Variants in TLE2 observed in about 807,000 individuals in gnomAD.
TLE2 encodes the protein transducin-like enhancer protein 2.
A neutral mutation model predicts 97.2 loss-of-function variants in TLE2; 74 were observed. The ratio of observed to expected loss-of-function variants is 0.76; its 90% confidence interval spans 0.63 to 0.92. The LOEUF (loss-of-function observed/expected upper bound fraction) is 0.92. Ranked by LOEUF, TLE2 falls within the 40% of genes least tolerant of loss-of-function variation. TLE2 has a pLI of 0.00. For synonymous variants in TLE2, 499 were observed against 432.1 expected, an observed-to-expected ratio of 1.15 and a Z score of -1.92; for missense variants, 1,038 against 1,008.7, an observed-to-expected ratio of 1.03 and a Z score of -0.39.
chr19:3,006,300 T>C (rs534891940), intron 15 of TLE2, 120 bp downstream of exon 15: 95 of 1,447,084 alleles, frequency 6.6e-5, no homozygotes, highest in African/African-American at 6.0e-4. Flanking sequence ...GCCCCTCACC[T>C]ATAAGCCCCG....
intron 5 of TLE2, among the ~76,000 whole-genome samples, chr19:3,021,500 G>A (rs954810665): frequency 6.6e-6 from 1 of 152,200 alleles, no homozygotes; most frequent in Non-Finnish European, 1.5e-5. Flanking sequence ...CATGTGGCTG[G>A]TGCAACTGAT....
At position 3,029,275 on chromosome 19, in the gene TLE2, C is replaced by T. The variant is rs1364235830; in HGVS notation, c.-371G>A. 4.6e-6 allele frequency: 1 copy of T among 217,830 alleles called. No homozygotes were observed. The highest frequency in any genetic ancestry group is 2.0e-4 in the East Asian group (1 of 5,108). The allele number at this position is 217,830 out of a possible 1,614,324, so 13.5% of individuals were successfully genotyped here. On this transcript the variant is annotated 5_prime_UTR_variant, in exon 1 of 20. Coordinates refer to ENST00000262953, the MANE Select transcript of TLE2 (RefSeq NM_003260.5). ...GCGGAGCCGCCTCCCTCCGGCGGGG[C>T]TCGGCCGGGAGCCGCGGGCTGAGCC...
intron 1 of TLE2, among the ~76,000 whole-genome samples, chr19:3,042,248 A>G (rs1463942655): frequency 1.0e-5 from 1 of 96,848 alleles, no homozygotes; most frequent in South Asian, 4.8e-4. Flanking sequence ...GGAGAGGAGG[A>G]GGCCCCCGGG....
chr19:3,015,548 G>A (rs577516804), intron 9 of TLE2, 105 bp downstream of exon 9: 94 of 867,358 alleles, frequency 1.1e-4, no homozygotes, highest in African/African-American at 8.2e-4. Flanking sequence ...GGGAGGCTCC[G>A]GAGTGAGAGA....
At chr19:2,999,512 G>C (rs1403902928) in intron 19 of TLE2, among the ~76,000 whole-genome samples, 1 of 151,964 alleles carries the variant, frequency 6.6e-6, no homozygotes, top group Non-Finnish European at 1.5e-5. Context: ...TGGATCATGA[G>C]GTCAGGAGAT....
chr19:3,010,700 C>T (rs531833240), intron 12 of TLE2, among the ~76,000 whole-genome samples: 4 of 152,148 alleles, frequency 2.6e-5, no homozygotes, highest in Non-Finnish European at 5.9e-5. Context: ...GTCACTTGCC[C>T]GAGGTCACCC....
chr19:3,000,297 G>A (rs961153616), intron 19 of TLE2, among the ~76,000 whole-genome samples: 3 of 151,634 alleles, frequency 2.0e-5, no homozygotes, highest in East Asian at 2.0e-4. Flanking sequence ...GGGTGGTCTC[G>A]ATCTCCTGAC....
At chr19:3,022,197 T>C (rs1272114002) in intron 5 of TLE2, among the ~76,000 whole-genome samples, 1 of 151,484 alleles carries the variant, frequency 6.6e-6, no homozygotes, top group Non-Finnish European at 1.5e-5. Context: ...TACAGGCACC[T>C]GCCACCACAC....
At chr19:3,046,302 A>G (rs2090140423), upstream of TLE2, among the ~76,000 whole-genome samples, 1 of 152,348 alleles carries the variant, frequency 6.6e-6, no homozygotes, top group South Asian at 2.1e-4. Context: ...GGGCACACAG[A>G]GGGACGGAGA....
intron 18 of TLE2, 109 bp downstream of exon 18, chr19:3,002,244 T>C: frequency 7.5e-7 from 1 of 1,331,232 alleles, no homozygotes; most frequent in Non-Finnish European, 1.0e-6. Context: ...TATATAAAAC[T>C]TAGTATATAA....
Position 3,005,750 on chromosome 19 carries a change from G to A in TLE2, c.1719C>T (p.Val573=), listed in dbSNP as rs367942728. The change falls in exon 16 of 20, where the codon GTC becomes GTT. Residue 573 remains valine (V), a synonymous_variant. Coordinates refer to ENST00000262953, the MANE Select transcript of TLE2 (RefSeq NM_003260.5). ...CCATAGTCTGATTCTGCAGGTCCCAGACCACAATGTTGCCATCGCTGCAGC... is the reference window on the plus strand; with the variant it reads ...CCATAGTCTGATTCTGCAGGTCCCAAACCACAATGTTGCCATCGCTGCAGC... ...FSCCSDGNIV[V]WDLQNQTMVR... 224 of 1,613,820 alleles carry A rather than the reference G, an allele frequency of 1.4e-4. No homozygotes were observed. The highest frequency in any genetic ancestry group is 8.0e-5 in the African/African-American group (6 of 74,922).
At position 3,019,613 on chromosome 19, in the gene TLE2, C is replaced by A; in HGVS notation, c.369+86G>T. The A allele has an allele frequency of 6.5e-7, 1 of 1,541,546 alleles. No individual in the cohort carries two copies. Among genetic ancestry groups the A allele is most frequent in the Non-Finnish European group, 8.8e-7 (1 of 1,140,660 alleles). Reference sequence around the variant, plus strand: ...CACTGGAGCCAAGGCCCACACACCACCCCAGCTTTAACACCTCCTGGGTGG... The same window carrying A: ...CACTGGAGCCAAGGCCCACACACCAACCCAGCTTTAACACCTCCTGGGTGG... On this transcript the variant is annotated intron_variant, in intron 6 of 19. Coordinates refer to ENST00000262953, the MANE Select transcript of TLE2 (RefSeq NM_003260.5). The surrounding 1 kb of genome is among the most constrained non-coding windows in gnomAD (Gnocchi z 5.1).
chr19:3,043,746 C>T (rs1599259303), intron 1 of TLE2, among the ~76,000 whole-genome samples: 1 of 140,650 alleles, frequency 7.1e-6, no homozygotes, highest in Non-Finnish European at 1.5e-5. Flanking sequence ...GGAGGTGGAG[C>T]TTGCAGTGAG....
At chr19:2,999,496 G>A (rs2089302136) in intron 19 of TLE2, among the ~76,000 whole-genome samples, 1 of 152,084 alleles carries the variant, frequency 6.6e-6, no homozygotes, top group Admixed American at 6.6e-5. Flanking sequence ...GGGAGGCCAA[G>A]GCGGGTGGAT....
chr19:3,021,571 T>C (rs2089844383), intron 5 of TLE2, among the ~76,000 whole-genome samples: 1 of 152,308 alleles, frequency 6.6e-6, no homozygotes, highest in African/African-American at 2.4e-5. Context: ...AAAATAAATT[T>C]AATAGGCTTA....
chr19:3,020,398 C>G (rs962965776), intron 5 of TLE2: 11 of 152,068 alleles, frequency 7.2e-5, no homozygotes, highest in African/African-American at 2.4e-4. Flanking sequence ...CAGGGGCACC[C>G]CCAGTTGTGA....
At chr19:3,046,153 C>T (rs1207193014), upstream of TLE2, among the ~76,000 whole-genome samples, 1 of 152,212 alleles carries the variant, frequency 6.6e-6, no homozygotes, top group African/African-American at 2.4e-5. Flanking sequence ...CTTATTCCTG[C>T]CCTTGAGCAA....
At position 3,029,154 on chromosome 19, in the gene TLE2, C is replaced by A. The variant is rs1242066844; in HGVS notation, c.-250G>T. 2 of 922,804 alleles carry A rather than the reference C, an allele frequency of 2.2e-6. No homozygotes were observed. Among genetic ancestry groups the A allele is most frequent in the South Asian group, 4.8e-5 (1 of 20,740 alleles). The allele number at this position is 922,804 out of a possible 1,614,324, so 57.2% of individuals were successfully genotyped here. ...GGGCGGGCAGGGGCAGCGGCCGGGG[C>A]GGGAGCGCGGCGAGGGCGGCCGCGG... On this transcript the variant is annotated 5_prime_UTR_variant, in exon 1 of 20. Coordinates refer to ENST00000262953, the MANE Select transcript of TLE2 (RefSeq NM_003260.5).
chr19:3,024,984 C>T, intron 5 of TLE2, 36 bp downstream of exon 5: 1 of 1,546,796 alleles, frequency 6.5e-7, no homozygotes, highest in Non-Finnish European at 8.8e-7. Context: ...CTTCCGGCTC[C>T]CTTCCCCTCC....
Sources: allele counts gnomAD v4.1 joint callset (sites outside exome capture counted in the v4.1 genomes callset), GRCh38; gene constraint gnomAD v4.1.1; non-coding constraint Gnocchi (gnomAD v3.1); transcripts MANE v1.5; gene names NCBI Gene and HGNC (gene_info 2026-07-23, HGNC 2026-07-21).